The following TMCC1 variants were observed in gnomAD, a reference collection of about 807,000 sequenced individuals.
TMCC1 encodes the protein transmembrane and coiled-coil domain family 1, also known as transmembrane and coiled-coil domains protein 1.
A neutral mutation model predicts 52.4 loss-of-function variants in TMCC1; 15 were observed. The observed-to-expected ratio is 0.29, with a 90% CI of 0.19 to 0.44. TMCC1 has a LOEUF of 0.44. Ranked by LOEUF, TMCC1 falls within the 20% of genes least tolerant of loss-of-function variation. The pLI is 1.00. For missense variants in TMCC1, 503 were observed against 806.0 expected (o/e 0.62, Z 4.55); for synonymous variants, 279 against 301.9 (o/e 0.92, Z 0.79).
At chr3:129,835,478 T>C (rs1385539073) in intron 2 of TMCC1, among the ~76,000 whole-genome samples, 3 of 152,138 alleles carry the variant, frequency 2.0e-5, no homozygotes, top group Non-Finnish European at 4.4e-5. Flanking sequence ...AAGAGAGATA[T>C]ATCAAACAAC....
At chr3:129,810,560 C>A (rs769884456) in intron 4 of TMCC1, among the ~76,000 whole-genome samples, 39 of 152,152 alleles carry the variant, frequency 2.6e-4, no homozygotes, top group Non-Finnish European at 4.7e-4. Flanking sequence ...TAAGCAAGTT[C>A]ACCCTATATC....
At chr3:129,678,359 CTTTTT>C (rs71155564) in intron 4 of TMCC1, among the ~76,000 whole-genome samples, 2 of 117,202 alleles carry the variant, frequency 1.7e-5, no homozygotes, top group African/African-American at 3.4e-5. Context: ...TTGTTTAATT[CTTTTT>C]TTTTTTTTTT....
chr3:129,768,265 T>A (rs142899946), intron 4 of TMCC1, among the ~76,000 whole-genome samples: 34 of 152,340 alleles, frequency 2.2e-4, no homozygotes, highest in Middle Eastern at 3.4e-3. Flanking sequence ...TGCCAGGACA[T>A]AGGTATCCCT....
chr3:129,861,732 A>C (rs567727914), intron 2 of TMCC1, among the ~76,000 whole-genome samples: 1 of 152,228 alleles, frequency 6.6e-6, no homozygotes, highest in Non-Finnish European at 1.5e-5. Flanking sequence ...AAAGAGAAGT[A>C]GAAATTAGAA....
intron 4 of TMCC1, among the ~76,000 whole-genome samples, chr3:129,712,619 A>T (rs532649699): frequency 9.9e-4 from 150 of 151,816 alleles, no homozygotes; most frequent in African/African-American, 3.4e-3. Flanking sequence ...AGCTAATTAA[A>T]AAAATTTTTT....
intron 4 of TMCC1, among the ~76,000 whole-genome samples, chr3:129,675,042 G>A (rs919989743): frequency 2.6e-5 from 4 of 152,158 alleles, no homozygotes; most frequent in Non-Finnish European, 4.4e-5. Flanking sequence ...GTTTCACCAT[G>A]TTGCCCAGGC....
At chr3:129,833,371 G>C (rs773748800) in intron 2 of TMCC1, among the ~76,000 whole-genome samples, 7 of 152,050 alleles carry the variant, frequency 4.6e-5, no homozygotes, top group Non-Finnish European at 1.0e-4. Context: ...AGGAATTTGA[G>C]ATCAGCCTGG....
intron 2 of TMCC1, among the ~76,000 whole-genome samples, chr3:129,874,260 G>C (rs1297588653): frequency 6.6e-6 from 1 of 152,160 alleles, no homozygotes; most frequent in Non-Finnish European, 1.5e-5. Context: ...GTGACTCAAA[G>C]CTGTTATTTC....
chr3:129,863,819 G>A (rs560283223), intron 2 of TMCC1, among the ~76,000 whole-genome samples: 2 of 151,956 alleles, frequency 1.3e-5, no homozygotes, highest in East Asian at 3.9e-4. Flanking sequence ...CCAAGATCGT[G>A]CCACTGTACT....
chr3:129,773,419 T>A (rs1415925057), intron 4 of TMCC1, among the ~76,000 whole-genome samples: 1 of 152,262 alleles, frequency 6.6e-6, no homozygotes, highest in East Asian at 1.9e-4. Flanking sequence ...AGCTGTCAAT[T>A]CAGAAAATAA....
chr3:129,755,140 T>A (rs562798188), intron 4 of TMCC1, among the ~76,000 whole-genome samples: 1 of 151,608 alleles, frequency 6.6e-6, no homozygotes, highest in African/African-American at 2.4e-5. Context: ...CAAAAACATA[T>A]GATAAAGAAA....
At chr3:129,714,955 T>A (rs918202192) in intron 4 of TMCC1, among the ~76,000 whole-genome samples, 5 of 152,184 alleles carry the variant, frequency 3.3e-5, no homozygotes, top group Non-Finnish European at 7.3e-5. Context: ...AAATTTTCCA[T>A]TTTACTTATC....
intron 4 of TMCC1, among the ~76,000 whole-genome samples, chr3:129,804,024 C>T (rs1041404758): frequency 7.9e-5 from 12 of 152,004 alleles, no homozygotes; most frequent in Non-Finnish European, 1.5e-4. Context: ...TGAACATGAA[C>T]ATTACCTTAG....
In TMCC1 at chr3:129,828,538, CAAAAAAAA is replaced by C; in HGVS notation, c.-130-38_-130-31del. ...TGTTAAAAACAAAAAAACAAAAAAACAAAAAAAAAACCTTATATTATAAATCCATGCAG... is the reference window on the plus strand; with the variant it reads ...TGTTAAAAACAAAAAAACAAAAAAACAACCTTATATTATAAATCCATGCAG... On this transcript the variant is annotated intron_variant, in intron 3 of 6. Transcript: ENST00000393238. The surrounding 1 kb of genome is among the most constrained non-coding windows in gnomAD (Gnocchi z 4.1). 1.8e-6 allele frequency: 1 copy of C among 547,432 alleles called. No individual in the cohort carries two copies. The highest frequency in any genetic ancestry group is 3.0e-6 in the Non-Finnish European group (1 of 330,726). 33.9% of individuals were successfully genotyped at this position (547,432 alleles called of 1,614,324 possible).
chr3:129,891,852 G>A (rs2061977441), intron 1 of TMCC1, among the ~76,000 whole-genome samples: 2 of 152,298 alleles, frequency 1.3e-5, no homozygotes, highest in South Asian at 4.1e-4. Context: ...ATTTATGAGA[G>A]GCATAAGCAG....
In TMCC1 at chr3:129,811,022, TTAACA is replaced by T. The variant is rs147703869; in HGVS notation, c.576+16776_576+16780del. 3.2e-3 allele frequency among the ~76,000 whole-genome samples: 482 copies of T among 152,356 alleles called. 4 individuals are homozygous for T. The highest frequency in any genetic ancestry group is 0.011 in the African/African-American group (470 of 41,592). ...TTTAAATGTGCATTTGCACAGCTGC[TTAACA>T]TATGAGTTTTTTTAATTAATAAACC... On this transcript the variant is annotated intron_variant, in intron 4 of 6. Coordinates refer to ENST00000393238, the MANE Select transcript of TMCC1 (RefSeq NM_001017395.5).
intron 4 of TMCC1, among the ~76,000 whole-genome samples, chr3:129,725,340 G>A (rs1023428485): frequency 3.9e-5 from 6 of 152,120 alleles, no homozygotes; most frequent in African/African-American, 1.4e-4. Flanking sequence ...TCAAACTCCT[G>A]ACAAGTGATC....
chr3:129,694,431 G>A (rs192298465), intron 4 of TMCC1, among the ~76,000 whole-genome samples: 15 of 152,352 alleles, frequency 9.8e-5, no homozygotes, highest in East Asian at 3.9e-4. Flanking sequence ...TAACTTCAGC[G>A]TGCCTATGGG....
At chr3:129,678,933 T>C (rs947549634) in intron 4 of TMCC1, among the ~76,000 whole-genome samples, 1 of 152,168 alleles carries the variant, frequency 6.6e-6, no homozygotes, top group African/African-American at 2.4e-5. Context: ...AGTAGTTCTT[T>C]TAAAACATAA....
Sources: allele counts gnomAD v4.1 joint callset (sites outside exome capture counted in the v4.1 genomes callset), GRCh38; gene constraint gnomAD v4.1.1; non-coding constraint Gnocchi (gnomAD v3.1); transcripts MANE v1.5; gene names NCBI Gene and HGNC (gene_info 2026-07-23, HGNC 2026-07-21).